The following RNF216 variants were observed in gnomAD, a reference collection of about 807,000 sequenced individuals.
The protein encoded by RNF216 is ring finger protein 216, also known as E3 ubiquitin-protein ligase RNF216.
Under a neutral mutation model 110.8 loss-of-function variants are expected in RNF216, and 72 were observed. The ratio of observed to expected loss-of-function variants is 0.65; its 90% CI spans 0.54 to 0.79. RNF216 has a LOEUF of 0.79. RNF216 is among the 30% of genes least tolerant of loss of function. The probability of loss-of-function intolerance (pLI) is 0.00; values close to 1 mark genes in which losing one functional copy is unlikely to be tolerated. For synonymous variants in RNF216, 495 were observed against 407.5 expected (o/e 1.21, Z -2.59); for missense variants, 1,342 against 1,141.2 (o/e 1.18, Z -2.54).
At chr7:5,650,211 G>A (rs556886210) in intron 14 of RNF216, among the ~76,000 whole-genome samples, 81 of 152,252 alleles carry the variant, frequency 5.3e-4, no homozygotes, top group African/African-American at 1.7e-3. Flanking sequence ...CCAACATTTG[G>A]GAGGCTGTTT....
chr7:5,632,584 C>A (rs1787139789), intron 15 of RNF216, among the ~76,000 whole-genome samples: 1 of 152,172 alleles, frequency 6.6e-6, no homozygotes, highest in Non-Finnish European at 1.5e-5. Flanking sequence ...CGAGACCAGC[C>A]TGGCCAACAT....
chr7:5,629,420 T>C (rs1786918028), intron 15 of RNF216, among the ~76,000 whole-genome samples: 1 of 151,762 alleles, frequency 6.6e-6, no homozygotes, highest in Non-Finnish European at 1.5e-5. Flanking sequence ...GAGCTATGAT[T>C]GTGCCATTGT....
At position 5,745,002 on chromosome 7, in the gene RNF216, A is replaced by C. The variant is rs564423722; in HGVS notation, c.202-3187T>G. Among the ~76,000 whole-genome samples, 6 of 152,216 alleles carry C rather than the reference A, an allele frequency of 3.9e-5. No individual in the cohort carries two copies. In the East Asian group the frequency reaches 9.6e-4, roughly 24 times the overall value. ...AAGAAAAAAAAAAAAGAAAACTTCT[A>C]AACTTTTTATGAAGTCAGAATCATG... On this transcript the variant is annotated intron_variant, in intron 3 of 16. Coordinates refer to ENST00000389902, the MANE Select transcript of RNF216 (RefSeq NM_207111.4).
chr7:5,747,214 C>T (rs1033004160), intron 3 of RNF216, among the ~76,000 whole-genome samples: 1 of 152,158 alleles, frequency 6.6e-6, no homozygotes, highest in Non-Finnish European at 1.5e-5. Flanking sequence ...CGGATAAAAA[C>T]AGGTCATAGT....
At chr7:5,771,871 G>A (rs1012532825) in intron 1 of RNF216, among the ~76,000 whole-genome samples, 2 of 152,072 alleles carry the variant, frequency 1.3e-5, no homozygotes, top group African/African-American at 4.8e-5. Flanking sequence ...GTACCCCGAG[G>A]AAACGCAAAA....
chr7:5,770,374 T>G (rs1562479878), intron 1 of RNF216, among the ~76,000 whole-genome samples: 1 of 151,318 alleles, frequency 6.6e-6, no homozygotes, highest in Non-Finnish European at 1.5e-5. Flanking sequence ...GGCAGGAGAA[T>G]CACTTGAACC....
At chr7:5,766,498 G>C (rs1796216493) in intron 1 of RNF216, among the ~76,000 whole-genome samples, 1 of 151,812 alleles carries the variant, frequency 6.6e-6, no homozygotes, top group Non-Finnish European at 1.5e-5. Flanking sequence ...ACTCTGAGAA[G>C]AAGAGATCTA....
At chr7:5,643,748 G>C (rs746311396) in intron 14 of RNF216, among the ~76,000 whole-genome samples, 5 of 152,102 alleles carry the variant, frequency 3.3e-5, no homozygotes, top group Non-Finnish European at 7.4e-5. Flanking sequence ...GAGTATTCAC[G>C]ATGTTATACA....
At chr7:5,747,771 AAAAAGG>A (rs1562457478) in intron 3 of RNF216, among the ~76,000 whole-genome samples, 4 of 116,386 alleles carry the variant, frequency 3.4e-5, no homozygotes, top group African/African-American at 9.4e-5. Context: ...AAAAAAAAAA[AAAAAGG>A]GGAAAAAAAA....
At chr7:5,752,147 T>G (rs1795366070) in intron 3 of RNF216, among the ~76,000 whole-genome samples, 1 of 151,586 alleles carries the variant, frequency 6.6e-6, no homozygotes, top group Non-Finnish European at 1.5e-5. Flanking sequence ...ATCGCGCCAC[T>G]GCACTCCAGT....
chr7:5,711,835 G>A lies in RNF216; in HGVS notation c.1987C>T (p.Pro663Ser). The A allele has an allele frequency of 4.3e-6, 7 of 1,613,682 alleles. 1 individual carries two copies. Among genetic ancestry groups the A allele is most frequent in the Non-Finnish European group, 5.9e-6 (7 of 1,179,794 alleles). ...AAYADELVRC[P>S]SCSFPALLDS... ...AACAGAGCCGGAAAGCTACAGGACG[G>A]GCACCTAGAGTCAGAACAGCAGAAC... Residue 663 changes from proline to serine, a missense_variant, in exon 13 of 17, where the codon CCG becomes TCG. Physicochemically the swap from Pro to Ser is moderately conservative, Grantham distance 74. Coordinates refer to ENST00000389902, the MANE Select transcript of RNF216 (RefSeq NM_207111.4).
intron 3 of RNF216, among the ~76,000 whole-genome samples, chr7:5,747,658 C>T (rs1423507042): frequency 3.0e-5 from 4 of 131,708 alleles, no homozygotes; most frequent in Non-Finnish European, 1.6e-5. Context: ...GGCTGAGGCA[C>T]AAGAATCACT....
chr7:5,693,453 G>A (rs952910502), intron 13 of RNF216, among the ~76,000 whole-genome samples: 2 of 152,140 alleles, frequency 1.3e-5, no homozygotes, highest in African/African-American at 4.8e-5. Flanking sequence ...CCTGCTGATG[G>A]GTATTGCATT....
At position 5,660,952 on chromosome 7, in the gene RNF216, T is replaced by G. The variant is rs539871431; in HGVS notation, c.2062-8442A>C. ...GCTCCTGAAGCCTTAGGTTTTTTTTTTTTTTTTTTTTTTTTTGAAACAGCA... is the reference window on the plus strand; with the variant it reads ...GCTCCTGAAGCCTTAGGTTTTTTTTGTTTTTTTTTTTTTTTTGAAACAGCA... On this transcript the variant is annotated intron_variant, in intron 13 of 16. Coordinates refer to ENST00000389902, the MANE Select transcript of RNF216 (RefSeq NM_207111.4). Among the ~76,000 whole-genome samples the G allele has an allele frequency of 7.6e-5, 11 of 144,250 alleles. No homozygotes were observed. In the South Asian group the frequency reaches 2.0e-3, roughly 26 times the overall value. 94.6% of individuals were successfully genotyped at this position (144,250 alleles called of 152,430 possible). A position where few individuals can be genotyped will look rare whatever the true frequency, so the allele number is the denominator to read the frequency against.
Position 5,741,743 on chromosome 7 carries a change from C to G in RNF216, c.274G>C (p.Gly92Arg). 1 of 1,614,128 alleles carries G rather than the reference C, an allele frequency of 6.2e-7. No individual in the cohort carries two copies. Residue 92 changes from glycine (G) to arginine (R), a missense_variant, in exon 4 of 17, where the codon GGA becomes CGA. Transcript: ENST00000389902. The stretch of plus-strand genomic sequence containing the variant: ...CTAGACTTTTTAGGCCTTTCTTCTC[C>G]CAACCTTTTCAGATCTTGCCACTGG... ...AAQWQDLKRLGEERPKKSRAA... is the reference protein window; with the variant it reads ...AAQWQDLKRLREERPKKSRAA...
chr7:5,740,956 G>C lies in RNF216; in HGVS notation c.1044+17C>G, dbSNP rs1044738159. ...GTATATGTAGTGTCTACATTTACTT[G>C]ATAAAATAAAACTTACCGTTTCTTT... On this transcript the variant is annotated intron_variant, in intron 4 of 16. Transcript: ENST00000389902. The C allele has an allele frequency of 3.2e-6, 5 of 1,563,768 alleles. No homozygotes were observed. The African/African-American group carries it at 6.9e-5, about 22-fold the overall frequency.
intron 3 of RNF216, among the ~76,000 whole-genome samples, chr7:5,747,073 C>T (rs983339752): frequency 3.3e-5 from 5 of 152,222 alleles, no homozygotes; most frequent in Admixed American, 6.5e-5. Context: ...CTGAATACTG[C>T]ATCTACTCCT....
At chr7:5,648,726 TCA>T (rs1788202024) in intron 14 of RNF216, among the ~76,000 whole-genome samples, 1 of 118,936 alleles carries the variant, frequency 8.4e-6, no homozygotes. Flanking sequence ...AGACTCTGTC[TCA>T]AAAAAAAAAA....
In RNF216 at chr7:5,721,062, A is replaced by G; in HGVS notation, c.1615T>C (p.Tyr539His). 2 of 1,614,204 alleles carry G rather than the reference A, an allele frequency of 1.2e-6. No homozygotes were observed. The highest frequency in any genetic ancestry group is 1.7e-6 in the Non-Finnish European group (2 of 1,180,030). ...GCCATCTCTTTGATTTTCTGCTCATAGAACTCCTGCTCTTGTTGCACAGCT... is the reference window on the plus strand; with the variant it reads ...GCCATCTCTTTGATTTTCTGCTCATGGAACTCCTGCTCTTGTTGCACAGCT... ...LPAVQQEQEF[Y>H]EQKIKEMAEH... The change falls in exon 9 of 17, where the codon TAT (tyrosine) becomes CAT (histidine). Residue 539 changes from tyrosine to histidine, a missense_variant. Coordinates refer to ENST00000389902, the MANE Select transcript of RNF216 (RefSeq NM_207111.4).
Sources: allele counts gnomAD v4.1 joint callset (sites outside exome capture counted in the v4.1 genomes callset), GRCh38; gene constraint gnomAD v4.1.1; transcripts MANE v1.5; gene names NCBI Gene and HGNC (gene_info 2026-07-23, HGNC 2026-07-21).